Variants in SYNPR observed in about 807,000 individuals in gnomAD.
The protein encoded by SYNPR is synaptoporin.
In SYNPR, 23 loss-of-function variants were observed where a neutral mutation model predicts 32.9. The observed-to-expected ratio is 0.70, with a 90% CI of 0.50 to 0.99. The LOEUF is 0.99. SYNPR is among the 50% of genes least tolerant of loss of function. SYNPR has a pLI of 0.00. For missense variants in SYNPR, 318 were observed against 349.3 expected (o/e 0.91, Z 0.71); for synonymous variants, 146 against 135.9 (o/e 1.07, Z -0.52).
intron 2 of SYNPR, among the ~76,000 whole-genome samples, chr3:63,290,688 A>G (rs2086729716): frequency 6.6e-6 from 1 of 152,222 alleles, no homozygotes; most frequent in Non-Finnish European, 1.5e-5. Context: ...GGATATGGAT[A>G]TTTAGTAAGA....
intron 3 of SYNPR, among the ~76,000 whole-genome samples, chr3:63,517,792 ACT>A (rs1701828771): frequency 6.6e-6 from 1 of 152,182 alleles, no homozygotes; most frequent in Admixed American, 6.5e-5. Flanking sequence ...GCTATAGCCA[ACT>A]CAGGGCTCCA....
intron 2 of SYNPR, among the ~76,000 whole-genome samples, chr3:63,260,418 A>G (rs765141689): frequency 1.1e-4 from 17 of 152,216 alleles, no homozygotes; most frequent in Non-Finnish European, 2.1e-4. Flanking sequence ...ATAACGCCAC[A>G]TATCTACAAC....
intron 4 of SYNPR, among the ~76,000 whole-genome samples, chr3:63,606,421 T>C (rs962306645): frequency 8.1e-6 from 1 of 122,852 alleles, no homozygotes; most frequent in Non-Finnish European, 1.7e-5. Context: ...TCCTTTCTTT[T>C]TTTTTTTTTT....
chr3:63,302,924 A>G (rs990997665), intron 2 of SYNPR, among the ~76,000 whole-genome samples: 4 of 152,032 alleles, frequency 2.6e-5, no homozygotes, highest in Non-Finnish European at 5.9e-5. Context: ...TTTCTAGCAT[A>G]AAGAAAAGAC....
the SYNPR span, among the ~76,000 whole-genome samples, chr3:63,211,061 G>C: frequency 1.3e-5 from 2 of 152,092 alleles, no homozygotes. Context: ...TGTTGGGAAA[G>C]GTACCATAAG....
chr3:63,491,085 C>A (rs1400860243), intron 3 of SYNPR, among the ~76,000 whole-genome samples: 1 of 152,022 alleles, frequency 6.6e-6, no homozygotes, highest in East Asian at 1.9e-4. Flanking sequence ...AGTCAAAACA[C>A]AAGAAGACAA....
the SYNPR span, among the ~76,000 whole-genome samples, chr3:63,201,009 T>G: frequency 5.9e-5 from 9 of 152,246 alleles, no homozygotes; most frequent in African/African-American, 2.2e-4. Context: ...ATCTGGAAAT[T>G]ACACCTGGAA....
At chr3:63,284,324 A>G (rs2086660377) in intron 2 of SYNPR, among the ~76,000 whole-genome samples, 1 of 152,234 alleles carries the variant, frequency 6.6e-6, no homozygotes, top group African/African-American at 2.4e-5. Flanking sequence ...GGTCATCAAA[A>G]GAACTTAAAC....
chr3:63,398,517 G>C (rs569194367), intron 2 of SYNPR, among the ~76,000 whole-genome samples: 4 of 151,704 alleles, frequency 2.6e-5, no homozygotes, highest in Non-Finnish European at 5.9e-5. Context: ...TCAGGAGATC[G>C]AGACCATGGT....
At chr3:63,397,102 T>C (rs1329806902) in intron 2 of SYNPR, among the ~76,000 whole-genome samples, 2 of 44,268 alleles carry the variant, frequency 4.5e-5, no homozygotes, top group African/African-American at 3.2e-4. Context: ...AGACTCCGTC[T>C]CAAAAAAAAA....
At chr3:63,456,460 G>A (rs1471978383) in intron 2 of SYNPR, among the ~76,000 whole-genome samples, 1 of 152,080 alleles carries the variant, frequency 6.6e-6, no homozygotes, top group Non-Finnish European at 1.5e-5. Flanking sequence ...GGAGGGGTAA[G>A]GATTACAGTT....
In SYNPR at chr3:63,473,544, T is replaced by G. The variant is rs996256325; in HGVS notation, c.85-7288T>G. ...CTTAGGGAAGTGGTAAAACAAAGCA[T>G]AAGCAAAGGATTAAATAATACCAAA... On this transcript the variant is annotated intron_variant, in intron 2 of 5. Transcript: ENST00000478300. 2.0e-5 allele frequency among the ~76,000 whole-genome samples: 3 copies of G among 152,178 alleles called. No homozygotes were observed. In the South Asian group the frequency reaches 6.2e-4, roughly 31 times the overall value.
intron 3 of SYNPR, among the ~76,000 whole-genome samples, chr3:63,499,256 T>C (rs1701433393): frequency 6.6e-6 from 1 of 152,128 alleles, no homozygotes; most frequent in South Asian, 2.1e-4. Context: ...GGAATGAAGT[T>C]TTGGGGTCCA....
At chr3:63,312,183 T>C (rs2086973032) in intron 2 of SYNPR, among the ~76,000 whole-genome samples, 1 of 152,034 alleles carries the variant, frequency 6.6e-6, no homozygotes, top group African/African-American at 2.4e-5. Context: ...AACCCTTAAG[T>C]AGCTACTGTT....
chr3:63,298,703 G>T (rs1249599622), intron 2 of SYNPR, among the ~76,000 whole-genome samples: 4 of 152,158 alleles, frequency 2.6e-5, no homozygotes, highest in African/African-American at 7.2e-5. Context: ...CTGAGGTAAG[G>T]ATTCAAGTAC....
At chr3:63,304,894 T>A (rs952829093) in intron 2 of SYNPR, among the ~76,000 whole-genome samples, 1 of 152,022 alleles carries the variant, frequency 6.6e-6, no homozygotes, top group African/African-American at 2.4e-5. Flanking sequence ...TTCTACAAGT[T>A]GAGGTTCAAA....
rs1276004365 is a variant in SYNPR, at chr3:63,615,604, C to T, written c.*123C>T. 3 of 1,329,368 alleles carry T rather than the reference C, an allele frequency of 2.3e-6. No individual in the cohort carries two copies. In the East Asian group the frequency reaches 7.5e-5, roughly 33 times the overall value. 82.3% of individuals were successfully genotyped at this position (1,329,368 alleles called of 1,614,324 possible). ...AGTATTGAATGTAAATCAGAGCTCTCTAGTCTTCATTAAGGCAGCAAGTCC... is the reference window on the plus strand; with the variant it reads ...AGTATTGAATGTAAATCAGAGCTCTTTAGTCTTCATTAAGGCAGCAAGTCC... On this transcript the variant is annotated 3_prime_UTR_variant, in exon 6 of 6. Transcript: ENST00000478300.
chr3:63,601,518 C>A (rs748293266), intron 4 of SYNPR, among the ~76,000 whole-genome samples: 6 of 152,042 alleles, frequency 3.9e-5, no homozygotes, highest in Non-Finnish European at 7.4e-5. Flanking sequence ...CTCAAGTAGA[C>A]CCTGGTTTCT....
At chr3:63,428,896 C>G (rs1200861101) in intron 2 of SYNPR, among the ~76,000 whole-genome samples, 3 of 152,152 alleles carry the variant, frequency 2.0e-5, no homozygotes, top group Non-Finnish European at 4.4e-5. Context: ...TATGAGGTGA[C>G]TCCAGATTCA....
Sources: allele counts gnomAD v4.1 joint callset (sites outside exome capture counted in the v4.1 genomes callset), GRCh38; gene constraint gnomAD v4.1.1; transcripts MANE v1.5; gene names NCBI Gene and HGNC (gene_info 2026-07-23, HGNC 2026-07-21).